The following FRMD5 variants were observed in gnomAD, a reference collection of about 807,000 sequenced individuals.
FRMD5 encodes the protein FERM domain-containing protein 5.
Under a neutral mutation model 69.0 loss-of-function variants are expected in FRMD5, and 20 were observed. The ratio of observed to expected loss-of-function variants is 0.29; its 90% confidence interval spans 0.20 to 0.42. FRMD5 has a LOEUF of 0.42. Among genes scored for constraint, FRMD5 ranks in the 10% least tolerant of loss-of-function variants. The pLI, the probability that FRMD5 is intolerant of heterozygous loss-of-function variation, is 1.00. For synonymous variants in FRMD5, 271 were observed against 260.1 expected (o/e 1.04, Z -0.40); for missense variants, 595 against 708.6 (o/e 0.84, Z 1.82).
At chr15:44,106,281 A>T (rs1275742577) in intron 1 of FRMD5, among the ~76,000 whole-genome samples, 1 of 152,148 alleles carries the variant, frequency 6.6e-6, no homozygotes, top group Non-Finnish European at 1.5e-5. Flanking sequence ...GCTCAAAAAT[A>T]AATAAATAAA....
At chr15:44,154,048 G>A (rs2077488212) in intron 1 of FRMD5, among the ~76,000 whole-genome samples, 1 of 152,090 alleles carries the variant, frequency 6.6e-6, no homozygotes, top group Non-Finnish European at 1.5e-5. Context: ...GTTGACGGGT[G>A]CAATGGCTCA....
In FRMD5 at chr15:43,874,065, G is replaced by T; in HGVS notation, c.1533C>A (p.Leu511=). 3 of 1,614,194 alleles carry T rather than the reference G, an allele frequency of 1.9e-6. No individual in the cohort carries two copies. In the South Asian group the frequency reaches 3.3e-5, roughly 18 times the overall value. The part of the protein sequence containing the change: ...VLRLLLVTMG[L]LFVLLLLLII... ...TCAGGAGGAGGAGCAAAACAAAGAG[G>T]AGTCCCATGGTCACAAGGAGCAAAC... Residue 511 remains leucine, a synonymous_variant, in exon 14 of 14, where the codon CTC becomes CTA. Transcript: ENST00000417257.
At chr15:44,175,196 G>A (rs1178936985) in intron 1 of FRMD5, among the ~76,000 whole-genome samples, 1 of 152,002 alleles carries the variant, frequency 6.6e-6, no homozygotes, top group Non-Finnish European at 1.5e-5. Context: ...AGCCCTTCTA[G>A]GCAGGTTGCT....
intron 1 of FRMD5, among the ~76,000 whole-genome samples, chr15:44,161,737 T>C (rs1324242811): frequency 6.6e-6 from 1 of 152,180 alleles, no homozygotes; most frequent in African/African-American, 2.4e-5. Flanking sequence ...GTTCTACATC[T>C]TTCCAAATGT....
intron 1 of FRMD5, chr15:44,101,652 A>C (rs1029220699): frequency 2.0e-5 from 3 of 152,460 alleles, no homozygotes; most frequent in African/African-American, 7.2e-5. Flanking sequence ...TAAGATGATG[A>C]GTACTGTTGT....
upstream of FRMD5, among the ~76,000 whole-genome samples, chr15:44,198,326 CA>C (rs35320478): frequency 6.0e-3 from 577 of 96,592 alleles, 4 homozygotes; most frequent in Middle Eastern, 0.019. Context: ...GATCCTGTCT[CA>C]AAAAAAAAAA....
chr15:44,139,988 C>G (rs2077244170), intron 1 of FRMD5, among the ~76,000 whole-genome samples: 1 of 151,748 alleles, frequency 6.6e-6, no homozygotes, highest in South Asian at 2.1e-4. Flanking sequence ...AACAGTAAGT[C>G]TGATCTTATA....
At position 43,873,125 on chromosome 15, in the gene FRMD5, A is replaced by C. The variant is rs1485563513; in HGVS notation, c.*760T>G. ...GTTAAGTCTAGTTTCATTATACAAA[A>C]CTATGGTGATGCCCACTAGGCTCTA... On this transcript the variant is annotated 3_prime_UTR_variant, in exon 14 of 14. Coordinates refer to ENST00000417257, the MANE Select transcript of FRMD5 (RefSeq NM_032892.5). 5 of 1,502,064 alleles carry C rather than the reference A, an allele frequency of 3.3e-6. No homozygotes were observed. The Admixed American group carries it at 1.0e-4, about 31-fold the overall frequency. 93.0% of individuals were successfully genotyped at this position (1,502,064 alleles called of 1,614,324 possible).
chr15:43,873,369 C>A lies in FRMD5; in HGVS notation c.*516G>T. On this transcript the variant is annotated 3_prime_UTR_variant, in exon 14 of 14. Coordinates refer to ENST00000417257, the MANE Select transcript of FRMD5 (RefSeq NM_032892.5). ...AAAACAAACAAAAAACTAAACAGTC[C>A]CCATTGTCCAGATCCCTGGCCTGCC... The A allele has an allele frequency of 1.0e-5, 15 of 1,456,656 alleles. No homozygotes were observed. The highest frequency in any genetic ancestry group is 1.3e-5 in the Non-Finnish European group (15 of 1,111,716). The allele number at this position is 1,456,656 out of a possible 1,614,324, so 90.2% of individuals were successfully genotyped here. A position where few individuals can be genotyped will look rare whatever the true frequency, so the allele number is the denominator to read the frequency against.
At chr15:43,997,601 T>C (rs925134313) in intron 1 of FRMD5, among the ~76,000 whole-genome samples, 3 of 152,188 alleles carry the variant, frequency 2.0e-5, no homozygotes, top group African/African-American at 7.2e-5. Flanking sequence ...GCTTTCTTGA[T>C]GTAGTTCTAC....
intron 13 of FRMD5, among the ~76,000 whole-genome samples, chr15:43,875,398 G>C (rs2088314453): frequency 1.5e-5 from 2 of 130,984 alleles, no homozygotes; most frequent in Non-Finnish European, 3.2e-5. Flanking sequence ...ATATATGTAT[G>C]TATGAAACAA....
rs548450163 is a variant in FRMD5, at chr15:43,877,706, C to G, written c.1136-3244G>C. On this transcript the variant is annotated intron_variant, in intron 13 of 13. Transcript: ENST00000417257. Reference sequence around the variant, plus strand: ...TCATAGTCTTAGCTGTATTTTTTGTCCCTGTGCTAAAATCTTAAATTTGTA... The same window carrying G: ...TCATAGTCTTAGCTGTATTTTTTGTGCCTGTGCTAAAATCTTAAATTTGTA... Among the ~76,000 whole-genome samples, 4 of 152,314 alleles carry G rather than the reference C, an allele frequency of 2.6e-5. No homozygotes were observed. In the South Asian group the frequency reaches 8.3e-4, roughly 32 times the overall value.
At chr15:43,902,377 G>A (rs1309472834) in intron 6 of FRMD5, 115 bp from the exon 7 acceptor site, 2 of 866,368 alleles carry the variant, frequency 2.3e-6, no homozygotes, top group East Asian at 2.5e-5. Flanking sequence ...TTTGTCTAGG[G>A]TGTGCTCCCT....
intron 1 of FRMD5, among the ~76,000 whole-genome samples, chr15:43,954,238 G>A (rs373459231): frequency 1.1e-4 from 16 of 152,308 alleles, no homozygotes; most frequent in African/African-American, 3.8e-4. Flanking sequence ...GATTCAGGAC[G>A]TTCTTCTGGG....
At chr15:44,037,632 T>C (rs1891979922) in intron 1 of FRMD5, among the ~76,000 whole-genome samples, 1 of 132,766 alleles carries the variant, frequency 7.5e-6, no homozygotes, top group Admixed American at 7.4e-5. Context: ...CACACCCAGC[T>C]TTTTTTTTTT....
intron 1 of FRMD5, among the ~76,000 whole-genome samples, chr15:44,148,528 C>A (rs1470074608): frequency 6.6e-6 from 1 of 152,176 alleles, no homozygotes; most frequent in African/African-American, 2.4e-5. Context: ...GCCTCGGCCT[C>A]CCAAAGTGCT....
chr15:43,874,293 C>CA lies in FRMD5; in HGVS notation c.1304dup (p.Ala436GlyfsTer2), dbSNP rs774717158. ...ACATCAGCTCCAGGCTGTGCTCAGC[C>CA]ACAGGGGTGGGCAGCACGCTGTCTG... On this transcript the variant is annotated frameshift_variant, in exon 14 of 14. Coordinates refer to ENST00000417257, the MANE Select transcript of FRMD5 (RefSeq NM_032892.5). LOFTEE classifies it high-confidence loss of function. 6.2e-7 allele frequency: 1 copy of CA among 1,614,236 alleles called. No individual in the cohort carries two copies. The highest frequency in any genetic ancestry group is 8.5e-7 in the Non-Finnish European group (1 of 1,180,046).
At chr15:44,040,740 T>C (rs901102770) in intron 1 of FRMD5, among the ~76,000 whole-genome samples, 1 of 152,010 alleles carries the variant, frequency 6.6e-6, no homozygotes, top group Non-Finnish European at 1.5e-5. Flanking sequence ...ATCCACACTA[T>C]GAAGAAACTG....
chr15:43,923,659 G>A (rs1283808459), intron 2 of FRMD5, among the ~76,000 whole-genome samples: 1 of 152,228 alleles, frequency 6.6e-6, no homozygotes, highest in Non-Finnish European at 1.5e-5. Context: ...TGATGGACTT[G>A]TTCCTGAATC....
Sources: allele counts gnomAD v4.1 joint callset (sites outside exome capture counted in the v4.1 genomes callset), GRCh38; gene constraint gnomAD v4.1.1; transcripts MANE v1.5; gene names NCBI Gene and HGNC (gene_info 2026-07-23, HGNC 2026-07-21).